TENM2: variants seen among roughly 807,000 people sequenced by gnomAD.
TENM2 encodes the protein teneurin-2.
Under a neutral mutation model 245.2 loss-of-function variants are expected in TENM2, and 52 were observed. The observed-to-expected ratio is 0.21, with a 90% CI of 0.17 to 0.27. TENM2 has a LOEUF of 0.27. TENM2 is among the 10% of genes least tolerant of loss of function. TENM2 has a pLI of 1.00. For missense variants in TENM2, 3,046 were observed against 3,666.8 expected, an observed-to-expected ratio of 0.83 and a Z score of 4.37; for synonymous variants, 1,363 against 1,438.9, an observed-to-expected ratio of 0.95 and a Z score of 1.19.
the TENM2 span, among the ~76,000 whole-genome samples, chr5:167,217,601 A>G: frequency 6.6e-6 from 1 of 151,796 alleles, no homozygotes. Context: ...CTTCCTGCAG[A>G]TTCCTAGCGC....
At chr5:167,195,590 G>A in the TENM2 span, among the ~76,000 whole-genome samples, 3 of 151,806 alleles carry the variant, frequency 2.0e-5, no homozygotes, top group East Asian at 1.9e-4. Flanking sequence ...AGAAAATATC[G>A]ATTTTAAAAT....
chr5:168,165,661 C>CCCCCCCCCCCCCCCCA (rs1562237804), intron 13 of TENM2, among the ~76,000 whole-genome samples: 1 of 96,262 alleles, frequency 1.0e-5, no homozygotes. Flanking sequence ...CCCCCCCCCC[C>CCCCCCCCCCCCCCCCA]CCCGGCTGGC....
At chr5:167,351,336 C>T (rs1318586144) in intron 1 of TENM2, among the ~76,000 whole-genome samples, 3 of 152,048 alleles carry the variant, frequency 2.0e-5, no homozygotes, top group African/African-American at 4.8e-5. Context: ...TCTGGTGACA[C>T]CACCATCTTG....
At chr5:168,162,527 C>T in intron 12 of TENM2, 84 bp from the exon 15 acceptor site, 1 of 1,478,792 alleles carries the variant, frequency 6.8e-7, no homozygotes, top group Non-Finnish European at 9.2e-7. Flanking sequence ...TGCCCTGCGG[C>T]CTTGCTCCCC....
At chr5:167,651,198 G>A (rs765925769) in intron 2 of TENM2, among the ~76,000 whole-genome samples, 1 of 151,608 alleles carries the variant, frequency 6.6e-6, no homozygotes, top group African/African-American at 2.4e-5. Context: ...ATTTGAATTT[G>A]CCATTCATGT....
intron 17 of TENM2, among the ~76,000 whole-genome samples, chr5:168,200,628 G>A (rs1006878973): frequency 5.9e-5 from 9 of 152,154 alleles, no homozygotes; most frequent in Admixed American, 1.3e-4. Flanking sequence ...TTTTCCAGAC[G>A]GAGCACTTGT....
intron 3 of TENM2, among the ~76,000 whole-genome samples, chr5:167,896,528 G>A (rs1775241061): frequency 6.6e-6 from 1 of 152,186 alleles, no homozygotes; most frequent in Non-Finnish European, 1.5e-5. Flanking sequence ...CAACCCTACT[G>A]GCTGATGAGG....
chr5:167,811,728 G>A (rs1004869406), intron 2 of TENM2, among the ~76,000 whole-genome samples: 6 of 152,100 alleles, frequency 3.9e-5, no homozygotes, highest in Admixed American at 1.3e-4. Flanking sequence ...AGACCTCAGC[G>A]ATGACCTTGA....
intron 2 of TENM2, among the ~76,000 whole-genome samples, chr5:167,641,764 A>G: frequency 6.6e-6 from 1 of 152,190 alleles, no homozygotes; most frequent in East Asian, 1.9e-4. Flanking sequence ...AGGGAATTAT[A>G]AAACCTGCTT....
intron 2 of TENM2, among the ~76,000 whole-genome samples, chr5:167,788,085 A>G (rs1764704759): frequency 6.6e-6 from 1 of 152,092 alleles, no homozygotes; most frequent in Admixed American, 6.6e-5. Flanking sequence ...AGTGGGTAGG[A>G]CTGTTTTTAT....
At chr5:167,722,285 G>A (rs985872903) in intron 2 of TENM2, among the ~76,000 whole-genome samples, 3 of 152,194 alleles carry the variant, frequency 2.0e-5, no homozygotes, top group Non-Finnish European at 4.4e-5. Flanking sequence ...TCAGAGATAA[G>A]CTGTTCTTGC....
the TENM2 span, among the ~76,000 whole-genome samples, chr5:167,011,681 A>C: frequency 6.6e-6 from 1 of 152,186 alleles, no homozygotes; most frequent in Non-Finnish European, 1.5e-5. Flanking sequence ...TTAACAAGAA[A>C]ATTTGAGACT....
intron 2 of TENM2, among the ~76,000 whole-genome samples, chr5:167,845,181 A>G (rs1201575447): frequency 6.6e-6 from 1 of 151,178 alleles, no homozygotes; most frequent in Non-Finnish European, 1.5e-5. Context: ...TTAATGTTTT[A>G]CAAGTAGAAG....
chr5:168,094,857 G>A (rs954778066), intron 8 of TENM2, among the ~76,000 whole-genome samples: 1 of 152,102 alleles, frequency 6.6e-6, no homozygotes, highest in Non-Finnish European at 1.5e-5. Flanking sequence ...TTCATTGCTT[G>A]CATTACTGAC....
chr5:168,105,746 A>G (rs1322382691), intron 9 of TENM2, among the ~76,000 whole-genome samples: 1 of 152,180 alleles, frequency 6.6e-6, no homozygotes, highest in African/African-American at 2.4e-5. Flanking sequence ...ATTTTCCATC[A>G]GGCACCTCTC....
At chr5:167,107,960 C>T in the TENM2 span, among the ~76,000 whole-genome samples, 1 of 152,154 alleles carries the variant, frequency 6.6e-6, no homozygotes, top group African/African-American at 2.4e-5. Flanking sequence ...GCAGAAGACT[C>T]GGCCCACAGA....
Position 168,261,371 on chromosome 5 carries a change from C to G in TENM2, c.7564-678C>G, listed in dbSNP as rs952688777. Among the ~76,000 whole-genome samples, 3 of 152,206 alleles carry G rather than the reference C, an allele frequency of 2.0e-5. No homozygotes were observed. In the South Asian group the frequency reaches 6.2e-4, roughly 32 times the overall value. ...CCTCTGGCCCTCAAAGCCTGACTCT[C>G]TCAGCCTGGTGCTTCTCAAATGTTC... On this transcript the variant is annotated intron_variant, in intron 28 of 28. Coordinates refer to ENST00000518659, the Ensembl canonical transcript of TENM2.
chr5:167,607,493 C>T (rs995048612), intron 2 of TENM2, among the ~76,000 whole-genome samples: 1 of 152,184 alleles, frequency 6.6e-6, no homozygotes, highest in Non-Finnish European at 1.5e-5. Flanking sequence ...TGAATGTTTC[C>T]TGTGTGCCCC....
At chr5:167,512,390 A>G (rs936837665) in intron 2 of TENM2, among the ~76,000 whole-genome samples, 1 of 152,186 alleles carries the variant, frequency 6.6e-6, no homozygotes, top group Non-Finnish European at 1.5e-5. Flanking sequence ...ACTATTTCAA[A>G]TAGTTCATTT....
Sources: allele counts gnomAD v4.1 joint callset (sites outside exome capture counted in the v4.1 genomes callset), GRCh38; gene constraint gnomAD v4.1.1; transcripts MANE v1.5; gene names NCBI Gene and HGNC (gene_info 2026-07-23, HGNC 2026-07-21).